CALCR: variants seen among roughly 807,000 people sequenced by gnomAD.
CALCR encodes the protein calcitonin receptor.
In CALCR, 47 loss-of-function variants were observed where a neutral mutation model predicts 59.5. That is an observed-to-expected ratio of 0.79 (90% CI 0.63 to 1.01). CALCR has a LOEUF of 1.01. Among genes scored for constraint, CALCR ranks in the 50% least tolerant of loss-of-function variants. The pLI is 0.00. For missense variants in CALCR, 566 were observed against 597.1 expected (o/e 0.95, Z 0.54); for synonymous variants, 213 against 211.3 (o/e 1.01, Z -0.07).
intron 2 of CALCR, among the ~76,000 whole-genome samples, chr7:93,557,773 C>G (rs1035836284): frequency 4.0e-5 from 6 of 151,858 alleles, no homozygotes; most frequent in Non-Finnish European, 8.8e-5. Flanking sequence ...AATTTTCTGT[C>G]ATTTTGCCAC....
chr7:93,440,964 CTTA>C (rs1310000711), intron 9 of CALCR, among the ~76,000 whole-genome samples: 2 of 151,938 alleles, frequency 1.3e-5, no homozygotes, highest in Admixed American at 6.6e-5. Flanking sequence ...AAACAATTTA[CTTA>C]TTATTATTGC....
chr7:93,491,956 G>T (rs961996271), intron 2 of CALCR, among the ~76,000 whole-genome samples: 6 of 151,912 alleles, frequency 3.9e-5, no homozygotes, highest in African/African-American at 1.5e-4. Flanking sequence ...GCACACGTAT[G>T]TTTATTGCAG....
intron 8 of CALCR, among the ~76,000 whole-genome samples, chr7:93,457,710 T>C (rs536947312): frequency 6.6e-6 from 1 of 152,300 alleles, no homozygotes; most frequent in East Asian, 1.9e-4. Flanking sequence ...GAGAGATTCT[T>C]AGTTAATTGC....
At chr7:93,472,586 AC>A (rs1800577365) in intron 5 of CALCR, 99 bp from the exon 6 acceptor site, 1 of 686,748 alleles carries the variant, frequency 1.5e-6, no homozygotes, top group African/African-American at 1.8e-5. Flanking sequence ...CATATTAATC[AC>A]TTTATAGAAC....
chr7:93,491,143 A>G (rs1352287788), intron 2 of CALCR, among the ~76,000 whole-genome samples: 3 of 152,110 alleles, frequency 2.0e-5, no homozygotes, highest in African/African-American at 7.2e-5. Context: ...CCTGACAAAT[A>G]CAAGCAATGG....
intron 2 of CALCR, among the ~76,000 whole-genome samples, chr7:93,569,555 G>A (rs1211361899): frequency 6.6e-6 from 1 of 152,070 alleles, no homozygotes; most frequent in Non-Finnish European, 1.5e-5. Context: ...CGGGCTGGTT[G>A]TCCGGCTAGG....
rs149628324 is a variant in CALCR, at chr7:93,426,534, C to G, written c.1247G>C (p.Arg416Pro). The G allele has an allele frequency of 1.9e-6, 3 of 1,613,600 alleles. No individual in the cohort carries two copies. Among genetic ancestry groups the G allele is most frequent in the African/African-American group, 1.3e-5 (1 of 75,018 alleles). ...WAQFKIQWNQ[R>P]WGRRPSNRSA... ...GCGGTTGGAGGGGCGCCTCCCCCAA[C>G]GCTGGTTCCACTGAATTTTGAATTG... Residue 416 changes from arginine to proline, a missense_variant, in exon 14 of 14, where the codon CGT becomes CCT. Physicochemically the swap from Arg to Pro is moderately radical, Grantham distance 103. Coordinates refer to ENST00000426151, the MANE Select transcript of CALCR (RefSeq NM_001742.4).
chr7:93,549,182 G>C (rs556847945), intron 2 of CALCR, among the ~76,000 whole-genome samples: 165 of 152,204 alleles, frequency 1.1e-3, no homozygotes, highest in African/African-American at 3.7e-3. Context: ...GTTTACAGTG[G>C]AGGGGTTGGA....
intron 13 of CALCR, among the ~76,000 whole-genome samples, chr7:93,428,458 G>T (rs140964521): frequency 1.3e-5 from 2 of 152,320 alleles, no homozygotes; most frequent in African/African-American, 4.8e-5. Flanking sequence ...GAGAAACTGG[G>T]AAATATACAG....
chr7:93,561,280 A>G (rs988047650), intron 2 of CALCR, among the ~76,000 whole-genome samples: 1 of 152,086 alleles, frequency 6.6e-6, no homozygotes, highest in Admixed American at 6.6e-5. Flanking sequence ...ATATTCACAC[A>G]CTAATAACAT....
At chr7:93,555,852 G>A (rs1050077834) in intron 2 of CALCR, among the ~76,000 whole-genome samples, 4 of 152,240 alleles carry the variant, frequency 2.6e-5, no homozygotes, top group East Asian at 1.9e-4. Flanking sequence ...GATATTTATC[G>A]CATTTATGAA....
intron 2 of CALCR, among the ~76,000 whole-genome samples, chr7:93,565,067 T>C (rs1268134680): frequency 1.3e-5 from 2 of 152,178 alleles, no homozygotes; most frequent in Non-Finnish European, 2.9e-5. Flanking sequence ...TGTTTAACTG[T>C]CTTTGAGGTC....
At chr7:93,439,821 A>C (rs1265072476) in intron 9 of CALCR, among the ~76,000 whole-genome samples, 1 of 152,160 alleles carries the variant, frequency 6.6e-6, no homozygotes, top group Non-Finnish European at 1.5e-5. Flanking sequence ...CAAGGCAAAG[A>C]AACAGTCTGG....
chr7:93,434,057 C>T (rs1318480715), intron 13 of CALCR, among the ~76,000 whole-genome samples, 196 bp downstream of exon 13: 1 of 152,170 alleles, frequency 6.6e-6, no homozygotes, highest in Admixed American at 6.5e-5. Flanking sequence ...CTGTCTGAAT[C>T]ATATTTGCCA....
Position 93,426,530 on chromosome 7 carries a change from C to T in CALCR, c.1251G>A (p.Trp417Ter). 6.2e-7 allele frequency: 1 copy of T among 1,613,744 alleles called. No individual in the cohort carries two copies. The highest frequency in any genetic ancestry group is 1.7e-5 in the Admixed American group (1 of 60,020). Residue 417 changes from tryptophan to a stop codon, truncating the protein, a stop_gained, in exon 14 of 14, where the codon TGG becomes TGA. Transcript: ENST00000426151. LOFTEE classifies it low-confidence loss of function (END_TRUNC). Reference protein sequence around the residue: ...AQFKIQWNQRWGRRPSNRSAR... With the variant: ...AQFKIQWNQR Reference sequence around the variant, plus strand: ...CAGAGCGGTTGGAGGGGCGCCTCCCCCAACGCTGGTTCCACTGAATTTTGA... The same window carrying T: ...CAGAGCGGTTGGAGGGGCGCCTCCCTCAACGCTGGTTCCACTGAATTTTGA...
At chr7:93,469,672 G>T (rs1395216526) in intron 6 of CALCR, among the ~76,000 whole-genome samples, 1 of 151,464 alleles carries the variant, frequency 6.6e-6, no homozygotes, top group Admixed American at 6.6e-5. Context: ...AAGTAGACTT[G>T]AATCTTTTGC....
At chr7:93,449,675 A>G (rs1800072135) in intron 8 of CALCR, among the ~76,000 whole-genome samples, 1 of 152,086 alleles carries the variant, frequency 6.6e-6, no homozygotes, top group African/African-American at 2.4e-5. Flanking sequence ...TATCCAAACA[A>G]GAGCTGCTTA....
At chr7:93,495,941 G>C in intron 2 of CALCR, 2 of 1,527,028 alleles carry the variant, frequency 1.3e-6, no homozygotes, top group Non-Finnish European at 1.8e-6. Flanking sequence ...TCCTGGGGTG[G>C]CAAAAGTGGG....
chr7:93,563,026 G>A (rs1456436542), intron 2 of CALCR, among the ~76,000 whole-genome samples: 5 of 152,096 alleles, frequency 3.3e-5, no homozygotes, highest in Non-Finnish European at 7.4e-5. Flanking sequence ...ATCAGAAATA[G>A]TAAATAAAAG....
Sources: allele counts gnomAD v4.1 joint callset (sites outside exome capture counted in the v4.1 genomes callset), GRCh38; gene constraint gnomAD v4.1.1; transcripts MANE v1.5; gene names NCBI Gene and HGNC (gene_info 2026-07-23, HGNC 2026-07-21).